Variants in VWA8 observed in about 807,000 individuals in gnomAD.
The protein encoded by VWA8 is von Willebrand factor A domain containing 8.
Under a neutral mutation model 241.5 loss-of-function variants are expected in VWA8, and 221 were observed. That is an observed-to-expected ratio of 0.91 (90% CI 0.82 to 1.02). The LOEUF (loss-of-function observed/expected upper bound fraction) is 1.02. Ranked by LOEUF, VWA8 falls within the 50% of genes least tolerant of loss-of-function variation. VWA8 has a pLI of 0.00. For missense variants in VWA8, 2,322 were observed against 2,328.7 expected (o/e 1.00, Z 0.06); for synonymous variants, 852 against 827.1 (o/e 1.03, Z -0.52).
At chr13:41,881,632 A>G (rs1483156072) in intron 9 of VWA8, among the ~76,000 whole-genome samples, 5 of 144,514 alleles carry the variant, frequency 3.5e-5, no homozygotes, top group Non-Finnish European at 6.1e-5. Flanking sequence ...ACTTCCCAGT[A>G]GGGGCGGCTG....
At chr13:41,623,265 C>A (rs1447980783) in intron 37 of VWA8, among the ~76,000 whole-genome samples, 2 of 152,122 alleles carry the variant, frequency 1.3e-5, no homozygotes, top group Non-Finnish European at 2.9e-5. Flanking sequence ...CACATGGTGA[C>A]CATGTGTTAA....
intron 12 of VWA8, among the ~76,000 whole-genome samples, chr13:41,862,394 T>G (rs1021701877): frequency 2.0e-5 from 3 of 152,162 alleles, no homozygotes; most frequent in African/African-American, 7.2e-5. Context: ...GGCAAAGAAT[T>G]TATGACTAAG....
intron 12 of VWA8, among the ~76,000 whole-genome samples, chr13:41,838,516 T>TA (rs1356874775): frequency 1.3e-5 from 2 of 152,118 alleles, no homozygotes; most frequent in Admixed American, 1.3e-4. Context: ...CAACCAGGTT[T>TA]AAAAAATACG....
At chr13:41,606,578 T>A (rs969202893) in intron 39 of VWA8, among the ~76,000 whole-genome samples, 6 of 152,164 alleles carry the variant, frequency 3.9e-5, no homozygotes, top group Non-Finnish European at 5.9e-5. Flanking sequence ...GAGATATGAA[T>A]CCTAGGTGTA....
At chr13:41,937,376 G>T (rs1430097399) in intron 2 of VWA8, among the ~76,000 whole-genome samples, 1 of 152,180 alleles carries the variant, frequency 6.6e-6, no homozygotes, top group African/African-American at 2.4e-5. Context: ...GTCCCATCTG[G>T]GGGTGATGGG....
chr13:41,768,735 T>G (rs2045796976), intron 20 of VWA8, among the ~76,000 whole-genome samples: 1 of 152,210 alleles, frequency 6.6e-6, no homozygotes, highest in Admixed American at 6.5e-5. Flanking sequence ...GGTATAATTC[T>G]GAATAAAAGG....
intron 2 of VWA8, among the ~76,000 whole-genome samples, chr13:41,943,619 T>C (rs1012334443): frequency 1.6e-4 from 24 of 152,184 alleles, no homozygotes; most frequent in African/African-American, 5.3e-4. Context: ...ATAATACTTA[T>C]ACATGACAAA....
At chr13:41,748,833 C>T (rs1319841212) in intron 21 of VWA8, among the ~76,000 whole-genome samples, 1 of 152,148 alleles carries the variant, frequency 6.6e-6, no homozygotes, top group African/African-American at 2.4e-5. Context: ...TGGATCCCTT[C>T]CTTACACCAT....
In VWA8 at chr13:41,732,115, T is replaced by A. The variant is rs1593728154; in HGVS notation, c.2467A>T (p.Lys823Ter). ...VQTLTLQPSV[K>*]DGLIVYEDSP... ...TCTTCATATACAATAAGTCCGTCTTTAACCGAAGGCTGAAGCGTAAGAGTT... is the reference window on the plus strand; with the variant it reads ...TCTTCATATACAATAAGTCCGTCTTAAACCGAAGGCTGAAGCGTAAGAGTT... The change falls in exon 22 of 45, where the codon AAA (lysine) becomes TAA (stop). Residue 823 changes from lysine (K) to a stop codon, truncating the protein, a stop_gained. Transcript: ENST00000379310. LOFTEE classifies it high-confidence loss of function. 5.6e-6 allele frequency: 9 copies of A among 1,613,438 alleles called. No individual in the cohort carries two copies. In the East Asian group the frequency reaches 2.0e-4, roughly 36 times the overall value.
At chr13:41,695,248 T>C (rs964266691) in intron 29 of VWA8, among the ~76,000 whole-genome samples, 1 of 152,048 alleles carries the variant, frequency 6.6e-6, no homozygotes, top group Non-Finnish European at 1.5e-5. Context: ...AATAATCTCA[T>C]GGGGAGTGGG....
At chr13:41,778,770 G>GT (rs1868740096) in intron 19 of VWA8, among the ~76,000 whole-genome samples, 1 of 144,162 alleles carries the variant, frequency 6.9e-6, no homozygotes, top group Admixed American at 6.9e-5. Context: ...TTCCCTATTT[G>GT]TAAAAAGGCA....
intron 1 of VWA8, among the ~76,000 whole-genome samples, chr13:41,957,903 CATTTGATCTATAGTAT>C (rs1270789112): frequency 1.3e-5 from 2 of 152,114 alleles, no homozygotes; most frequent in African/African-American, 2.4e-5. Flanking sequence ...CTAGGTTTAT[CATTTGATCTATAGTAT>C]ATTTGAATCC....
At position 41,836,685 on chromosome 13, in the gene VWA8, A is replaced by G. The variant is rs540567583; in HGVS notation, c.1426-3154T>C. Among the ~76,000 whole-genome samples the G allele has an allele frequency of 5.3e-5, 8 of 152,316 alleles. No homozygotes were observed. The South Asian group carries it at 8.3e-4, about 16-fold the overall frequency. On this transcript the variant is annotated intron_variant, in intron 12 of 44. Coordinates refer to ENST00000379310, the MANE Select transcript of VWA8 (RefSeq NM_015058.2). ...CAGTACTTACCTTATTCAAGTAAGT[A>G]AACATTTATACTAACAGAGATGATG...
intron 12 of VWA8, among the ~76,000 whole-genome samples, chr13:41,841,779 T>C (rs1323833428): frequency 1.6e-5 from 1 of 61,378 alleles, no homozygotes; most frequent in Admixed American, 2.8e-4. Flanking sequence ...AGCGAGACTC[T>C]GTCTCAAAAA....
intron 12 of VWA8, among the ~76,000 whole-genome samples, chr13:41,846,975 G>A (rs952860266): frequency 1.3e-5 from 2 of 152,118 alleles, no homozygotes; most frequent in South Asian, 2.1e-4. Context: ...GCAGTGAGCC[G>A]AGATCATGCC....
At position 41,859,229 on chromosome 13, in the gene VWA8, T is replaced by C. The variant is rs575473713; in HGVS notation, c.1425+6507A>G. Among the ~76,000 whole-genome samples, 133 of 151,446 alleles carry C rather than the reference T, an allele frequency of 8.8e-4. 1 individual carries two copies. The highest frequency in any genetic ancestry group is 3.4e-3 in the Middle Eastern group (1 of 292). On this transcript the variant is annotated intron_variant, in intron 12 of 44. Transcript: ENST00000379310. The stretch of plus-strand genomic sequence containing the variant: ...AAGGCAAAAATAAGAGGCACAGCAA[T>C]GAATCCAAGACACAGACCAATAAAA...
chr13:41,761,434 G>C (rs1217607297), intron 20 of VWA8, among the ~76,000 whole-genome samples: 3 of 151,916 alleles, frequency 2.0e-5, no homozygotes, highest in Non-Finnish European at 4.4e-5. Flanking sequence ...TATTTGAAAG[G>C]AAATCCATAA....
intron 24 of VWA8, 21 bp downstream of exon 24, chr13:41,727,173 T>C: frequency 6.6e-7 from 1 of 1,520,786 alleles, no homozygotes; most frequent in Non-Finnish European, 8.9e-7. Context: ...TTGGTATTGT[T>C]ATTATCATTA....
chr13:41,886,789 A>T lies in VWA8; in HGVS notation c.858T>A (p.Ser286=), dbSNP rs776508655. The T allele has an allele frequency of 2.2e-5, 35 of 1,595,498 alleles. No individual in the cohort carries two copies. The highest frequency in any genetic ancestry group is 2.9e-5 in the Non-Finnish European group (34 of 1,173,940). Residue 286 remains serine, a synonymous_variant, in exon 7 of 45, where the codon TCT becomes TCA. Coordinates refer to ENST00000379310, the MANE Select transcript of VWA8 (RefSeq NM_015058.2). ...TATAAAAATATACTTACTTCTCAGC[A>T]GAAACATTGGCTCCAATTGAATATA... is the stretch of plus-strand genomic sequence containing the variant. ...KLLYSIGANV[S]AEKVSQLLSF... is the part of the protein sequence containing the mutation.
Sources: gnomAD v4.1 joint callset for allele counts (sites outside exome capture counted in the v4.1 genomes callset) on GRCh38, gnomAD v4.1.1 for gene constraint, MANE v1.5 for transcripts, NCBI Gene and HGNC (gene_info 2026-07-23, HGNC 2026-07-21) for gene names.